NCALD: variants seen among roughly 807,000 people sequenced by gnomAD.
The protein encoded by NCALD is neurocalcin-delta.
In NCALD, 10 loss-of-function variants were observed where a neutral mutation model predicts 18.6. The ratio of observed to expected loss-of-function variants is 0.54; its 90% CI spans 0.33 to 0.91. The LOEUF (loss-of-function observed/expected upper bound fraction) is 0.91, where lower values mean the gene tolerates loss of function less well. Among genes scored for constraint, NCALD ranks in the 40% least tolerant of loss-of-function variants. The pLI, the probability that NCALD is intolerant of heterozygous loss-of-function variation, is 0.03. For missense variants in NCALD, 184 were observed against 247.6 expected (o/e 0.74, Z 1.72); for synonymous variants, 88 against 87.4 (o/e 1.01, Z -0.04).
intron 1 of NCALD, among the ~76,000 whole-genome samples, chr8:101,774,923 T>A (rs1811730440): frequency 6.6e-6 from 1 of 152,178 alleles, no homozygotes; most frequent in Non-Finnish European, 1.5e-5. Context: ...GGTGCCCAGA[T>A]ATCCAGGTCT....
intron 2 of NCALD, among the ~76,000 whole-genome samples, chr8:102,006,637 C>T (rs1821724043): frequency 6.6e-6 from 1 of 152,202 alleles, no homozygotes; most frequent in Non-Finnish European, 1.5e-5. Flanking sequence ...ACCCCCTCCA[C>T]TCCTCTGTAC....
chr8:102,003,508 G>A (rs931594269), intron 2 of NCALD, among the ~76,000 whole-genome samples: 3 of 152,166 alleles, frequency 2.0e-5, no homozygotes, highest in African/African-American at 4.8e-5. Context: ...GAAAAAGAGG[G>A]AATCCTCCCT....
At chr8:101,845,639 T>C (rs1483697365) in intron 4 of NCALD, among the ~76,000 whole-genome samples, 1 of 152,244 alleles carries the variant, frequency 6.6e-6, no homozygotes, top group Non-Finnish European at 1.5e-5. Flanking sequence ...AATTGGGATG[T>C]CCGTCACCTC....
At chr8:101,944,298 A>T (rs1009866393) in intron 2 of NCALD, among the ~76,000 whole-genome samples, 1 of 152,226 alleles carries the variant, frequency 6.6e-6, no homozygotes, top group Admixed American at 6.5e-5. Flanking sequence ...CAGGCTGCTT[A>T]TGTGTACCCT....
chr8:101,985,319 T>C (rs1030863075), intron 2 of NCALD, among the ~76,000 whole-genome samples: 2 of 152,096 alleles, frequency 1.3e-5, no homozygotes. Flanking sequence ...CAGCTGATGG[T>C]ATGCAGAACA....
At chr8:101,773,320 G>A (rs1470559486) in intron 1 of NCALD, among the ~76,000 whole-genome samples, 1 of 152,162 alleles carries the variant, frequency 6.6e-6, no homozygotes, top group African/African-American at 2.4e-5. Context: ...CCGTGGGTTT[G>A]TTCTTCTCTC....
At chr8:102,044,164 C>A (rs915753006) in intron 1 of NCALD, among the ~76,000 whole-genome samples, 2 of 151,842 alleles carry the variant, frequency 1.3e-5, no homozygotes, top group South Asian at 2.1e-4. Context: ...TTAAAAAGTT[C>A]TTTTTTGAGA....
intron 2 of NCALD, among the ~76,000 whole-genome samples, chr8:101,981,854 A>T (rs1563506297): frequency 6.6e-6 from 1 of 152,134 alleles, no homozygotes; most frequent in Non-Finnish European, 1.5e-5. Context: ...TTCTGATATG[A>T]ACGTTTTGTC....
chr8:101,707,793 A>C (rs1195784546), intron 2 of NCALD, among the ~76,000 whole-genome samples: 4 of 152,140 alleles, frequency 2.6e-5, no homozygotes, highest in African/African-American at 9.7e-5. Context: ...TCTTGAACCC[A>C]GGAGACGGAG....
At chr8:101,729,673 C>G (rs1272770449) in intron 1 of NCALD, among the ~76,000 whole-genome samples, 2 of 152,144 alleles carry the variant, frequency 1.3e-5, no homozygotes, top group African/African-American at 2.4e-5. Context: ...ATGTACTCTT[C>G]TTTTGCATTC....
At chr8:101,872,580 T>TG in intron 4 of NCALD, 1 of 577,730 alleles carries the variant, frequency 1.7e-6, no homozygotes, top group Non-Finnish European at 3.1e-6. Flanking sequence ...CCAATCGTGC[T>TG]GGGGAATTCA....
intron 4 of NCALD, among the ~76,000 whole-genome samples, chr8:101,807,006 T>C (rs916291446): frequency 6.6e-6 from 1 of 152,052 alleles, no homozygotes; most frequent in Non-Finnish European, 1.5e-5. Flanking sequence ...GGATTACATA[T>C]TTAAAGTGCT....
At chr8:102,003,622 A>G (rs1821571547) in intron 2 of NCALD, among the ~76,000 whole-genome samples, 1 of 152,210 alleles carries the variant, frequency 6.6e-6, no homozygotes, top group African/African-American at 2.4e-5. Context: ...CGATGCAAAA[A>G]TCCTCAATAA....
chr8:101,708,790 C>T (rs541950818), intron 2 of NCALD, among the ~76,000 whole-genome samples: 1 of 152,256 alleles, frequency 6.6e-6, no homozygotes. Flanking sequence ...TCCCTCCACC[C>T]CTCAAGATCC....
intron 1 of NCALD, among the ~76,000 whole-genome samples, chr8:101,725,773 G>T (rs561101997): frequency 2.6e-5 from 4 of 152,304 alleles, no homozygotes; most frequent in Admixed American, 2.6e-4. Flanking sequence ...TCCCACAGAG[G>T]GGTCAAGGGA....
chr8:101,922,684 C>T (rs1818208615), intron 2 of NCALD, among the ~76,000 whole-genome samples: 2 of 152,114 alleles, frequency 1.3e-5, no homozygotes, highest in Admixed American at 1.3e-4. Context: ...CAGTTGTGCC[C>T]TATTATCCAC....
intron 1 of NCALD, among the ~76,000 whole-genome samples, chr8:102,123,432 A>G (rs1018365036): frequency 3.3e-5 from 5 of 150,336 alleles, no homozygotes; most frequent in African/African-American, 4.9e-5. Flanking sequence ...TCCATGCACA[A>G]AAGTTAAAGC....
intron 2 of NCALD, among the ~76,000 whole-genome samples, chr8:101,999,448 G>A (rs1022868704): frequency 1.7e-4 from 26 of 152,098 alleles, no homozygotes; most frequent in South Asian, 4.2e-4. Flanking sequence ...ATGTTCTCAC[G>A]CGTAATTGGG....
intron 1 of NCALD, among the ~76,000 whole-genome samples, chr8:102,024,674 T>C (rs1822392216): frequency 6.6e-6 from 1 of 152,218 alleles, no homozygotes; most frequent in South Asian, 2.1e-4. Context: ...TCTTCTGGTC[T>C]CCACCCCATT....
Sources: allele counts gnomAD v4.1 joint callset (sites outside exome capture counted in the v4.1 genomes callset), GRCh38; gene constraint gnomAD v4.1.1; transcripts MANE v1.5; gene names NCBI Gene and HGNC (gene_info 2026-07-23, HGNC 2026-07-21).